H2BC4: variants seen among roughly 807,000 people sequenced by gnomAD.
H2BC4 encodes the protein histone H2B type 1-C/E/F/G/I.
A neutral mutation model predicts 6.2 loss-of-function variants in H2BC4; 10 were observed. The ratio of observed to expected loss-of-function variants is 1.61; its 90% confidence interval spans 0.99 to 2.73. The LOEUF (loss-of-function observed/expected upper bound fraction) is 2.73. H2BC4 is among the 30% of genes most tolerant of loss of function. The pLI is 0.00. For synonymous variants in H2BC4, 146 were observed against 70.7 expected (o/e 2.07, Z -5.35); for missense variants, 176 against 168.7 (o/e 1.04, Z -0.24).
At chr6:26,117,271 G>A (rs1489574212) in intron 1 of H2BC4, among the ~76,000 whole-genome samples, 3 of 152,152 alleles carry the variant, frequency 2.0e-5, no homozygotes, top group Non-Finnish European at 4.4e-5. Flanking sequence ...TTTTAGGAGC[G>A]TAAAGATGGT....
downstream of H2BC4, among the ~76,000 whole-genome samples, chr6:26,120,552 T>C (rs1321052177): frequency 6.6e-6 from 1 of 152,204 alleles, no homozygotes; most frequent in Non-Finnish European, 1.5e-5. Context: ...ATAGGTTATC[T>C]ATTTAGCATG....
downstream of H2BC4, chr6:26,114,749 G>T (rs1763398234): frequency 6.6e-6 from 1 of 151,364 alleles, no homozygotes; most frequent in Non-Finnish European, 1.5e-5. Context: ...CCATAAAAAA[G>T]TTTCTAAGTA....
downstream of H2BC4, among the ~76,000 whole-genome samples, chr6:26,113,675 T>A (rs1183797034): frequency 1.3e-5 from 2 of 152,166 alleles, no homozygotes; most frequent in Admixed American, 6.5e-5. Flanking sequence ...CATAAAAAAA[T>A]ACCATAGATT....
chr6:26,113,996 T>C (rs1763389554), downstream of H2BC4, among the ~76,000 whole-genome samples: 1 of 152,136 alleles, frequency 6.6e-6, no homozygotes, highest in South Asian at 2.1e-4. Context: ...TAATTACCTC[T>C]TATAAGTCCT....
chr6:26,118,461 A>G (rs1459952725), intron 1 of H2BC4, among the ~76,000 whole-genome samples: 1 of 152,268 alleles, frequency 6.6e-6, no homozygotes, highest in Non-Finnish European at 1.5e-5. Flanking sequence ...GTCAAGTTAT[A>G]AAGGTCCTTG....
At position 26,123,518 on chromosome 6, in the gene H2BC4, G is replaced by GT. The variant is rs1217321970; in HGVS notation, c.*5_*6insA. On this transcript the variant is annotated 3_prime_UTR_variant, in exon 1 of 1. Coordinates refer to ENST00000396984, the MANE Select transcript of H2BC4 (RefSeq NM_003526.3). ...GGTTAGGTGTTAAGACGCTTACTTG[G>GT]AATGTTTACTTGGAGCTGGTGTACT... is the stretch of plus-strand genomic sequence containing the variant. 1 of 1,614,204 alleles carries GT rather than the reference G, an allele frequency of 6.2e-7. No individual in the cohort carries two copies. The highest frequency in any genetic ancestry group is 1.7e-5 in the Admixed American group (1 of 60,032).
chr6:26,117,731 G>A (rs1763442226), intron 1 of H2BC4, among the ~76,000 whole-genome samples: 1 of 152,002 alleles, frequency 6.6e-6, no homozygotes, highest in Non-Finnish European at 1.5e-5. Context: ...ATCAAGCAAT[G>A]GACTGATTTC....
At position 26,123,913 on chromosome 6, in the gene H2BC4, A is replaced by G. The variant is rs768517743; in HGVS notation, c.-9T>C. The G allele has an allele frequency of 3.7e-6, 6 of 1,611,418 alleles. No individual in the cohort carries two copies. Among genetic ancestry groups the G allele is most frequent in the Non-Finnish European group, 5.1e-6 (6 of 1,179,338 alleles). On this transcript the variant is annotated 5_prime_UTR_variant, in exon 1 of 1. Coordinates refer to ENST00000396984, the MANE Select transcript of H2BC4 (RefSeq NM_003526.3). ...TTGGCTGGCTCAGGCATCTTAAAAC[A>G]CCAGAAATGTGTCGAAAGTAAAGAG...
intron 1 of H2BC4, among the ~76,000 whole-genome samples, chr6:26,116,974 T>G (rs1419586388): frequency 6.6e-6 from 1 of 152,204 alleles, no homozygotes; most frequent in African/African-American, 2.4e-5. Flanking sequence ...GTCTTTTAAT[T>G]TAGGACTACT....
chr6:26,123,585 A>G lies in H2BC4; in HGVS notation c.320T>C (p.Leu107Pro), dbSNP rs1763549328. Residue 107 changes from leucine (L) to proline (P), a missense_variant, in exon 1 of 1, where the codon CTG becomes CCG. Transcript: ENST00000396984. ...TAVRLLLPGE[L>P]AKHAVSEGTK... ...GCCCTCCGACACGGCGTGCTTGGCC[A>G]GCTCTCCGGGAAGCAGCAGGCGCAC... 1 of 1,614,262 alleles carries G rather than the reference A, an allele frequency of 6.2e-7. No individual in the cohort carries two copies. Among genetic ancestry groups the G allele is most frequent in the Non-Finnish European group, 8.5e-7 (1 of 1,180,040 alleles).
chr6:26,116,768 T>C (rs198831), intron 1 of H2BC4, among the ~76,000 whole-genome samples: 72,321 of 151,974 alleles, frequency 0.48, 17,825 homozygotes, highest in Non-Finnish European at 0.54. Flanking sequence ...AGATTTACTC[T>C]CTTTTTCTTA....
In H2BC4 at chr6:26,123,776, G is replaced by T. The variant is rs1302391059; in HGVS notation, c.129C>A (p.Tyr43Ter). 6.2e-7 allele frequency: 1 copy of T among 1,614,264 alleles called. No homozygotes were observed. Residue 43 changes from tyrosine (Y) to a stop codon, truncating the protein, a stop_gained, in exon 1 of 1, where the codon TAC becomes TAA. Coordinates refer to ENST00000396984, the MANE Select transcript of H2BC4 (RefSeq NM_003526.3). LOFTEE classifies it high-confidence loss of function. ...CGGGATGGACCTGTTTCAGCACCTT[G>T]TACACGTACACAGAGTAACTCTCCT... ...SRKESYSVYV[Y>*]KVLKQVHPDT...
In H2BC4 at chr6:26,123,771, A is replaced by C; in HGVS notation, c.134T>G (p.Val45Gly). Residue 45 changes from valine (V) to glycine (G), a missense_variant, in exon 1 of 1, where the codon GTG (valine) becomes GGG (glycine). Transcript: ENST00000396984. ...KESYSVYVYK[V>G]LKQVHPDTGI... ...AGTGTCGGGATGGACCTGTTTCAGC[A>C]CCTTGTACACGTACACAGAGTAACT... 1 of 1,614,220 alleles carries C rather than the reference A, an allele frequency of 6.2e-7. No individual in the cohort carries two copies. Among genetic ancestry groups the C allele is most frequent in the Non-Finnish European group, 8.5e-7 (1 of 1,180,036 alleles).
downstream of H2BC4, among the ~76,000 whole-genome samples, chr6:26,122,089 G>C (rs1028717151): frequency 1.2e-4 from 18 of 150,752 alleles, no homozygotes; most frequent in Admixed American, 4.6e-4. Flanking sequence ...AAATTTACTT[G>C]TGAGGGACTC....
rs752887874 is a variant in H2BC4 at position 26,123,740 on chromosome 6, G to C, written c.165C>G (p.Ile55Met). 3 of 1,614,268 alleles carry C rather than the reference G, an allele frequency of 1.9e-6. No individual in the cohort carries two copies. The highest frequency in any genetic ancestry group is 8.5e-7 in the Non-Finnish European group (1 of 1,180,046). Residue 55 changes from isoleucine to methionine, a missense_variant, in exon 1 of 1, where the codon ATC (isoleucine) becomes ATG (methionine). Coordinates refer to ENST00000396984, the MANE Select transcript of H2BC4 (RefSeq NM_003526.3). Reference sequence around the variant, plus strand: ...TCATGATGCCCATGGCCTTGGAAGAGATGCCAGTGTCGGGATGGACCTGTT... The same window carrying C: ...TCATGATGCCCATGGCCTTGGAAGACATGCCAGTGTCGGGATGGACCTGTT... ...VLKQVHPDTG[I>M]SSKAMGIMNS...
intron 1 of H2BC4, among the ~76,000 whole-genome samples, chr6:26,115,619 A>C (rs949014785): frequency 6.6e-6 from 1 of 152,216 alleles, no homozygotes; most frequent in African/African-American, 2.4e-5. Flanking sequence ...TCTGATTTTT[A>C]GAGCCTAGAA....
chr6:26,115,681 T>C (rs1370361255), intron 1 of H2BC4, among the ~76,000 whole-genome samples: 1 of 152,248 alleles, frequency 6.6e-6, no homozygotes, highest in East Asian at 1.9e-4. Context: ...TGTTGCCTGC[T>C]GAGCATCTTT....
downstream of H2BC4, among the ~76,000 whole-genome samples, chr6:26,122,612 C>G (rs1234835078): frequency 6.6e-6 from 1 of 152,176 alleles, no homozygotes; most frequent in Non-Finnish European, 1.5e-5. Flanking sequence ...CACCCAGCGC[C>G]TAGTCCTTAC....
intron 1 of H2BC4, among the ~76,000 whole-genome samples, chr6:26,115,989 A>G (rs979425525): frequency 2.6e-5 from 4 of 152,168 alleles, no homozygotes; most frequent in Non-Finnish European, 4.4e-5. Context: ...AAGAAAACTA[A>G]GGACAAGAAA....
Sources: gnomAD v4.1 joint callset for allele counts (sites outside exome capture counted in the v4.1 genomes callset) on GRCh38, gnomAD v4.1.1 for gene constraint, MANE v1.5 for transcripts, NCBI Gene and HGNC (gene_info 2026-07-23, HGNC 2026-07-21) for gene names.